The following CREB5 variants were observed in gnomAD, a reference collection of about 807,000 sequenced individuals.
CREB5 encodes cAMP responsive element binding protein 5.
A neutral mutation model predicts 57.1 loss-of-function variants in CREB5; 19 were observed. The ratio of observed to expected loss-of-function variants is 0.33; its 90% CI spans 0.23 to 0.49. The LOEUF is 0.49. Among genes scored for constraint, CREB5 ranks in the 20% least tolerant of loss-of-function variants. The pLI is 0.99. For synonymous variants in CREB5, 238 were observed against 238.3 expected (o/e 1.00, Z 0.01); for missense variants, 579 against 671.6 (o/e 0.86, Z 1.52).
intron 1 of CREB5, among the ~76,000 whole-genome samples, chr7:28,394,682 A>G (rs1787302014): frequency 6.6e-6 from 1 of 152,130 alleles, no homozygotes; most frequent in Non-Finnish European, 1.5e-5. Flanking sequence ...AGCACAGCCA[A>G]ATTTCCCCTA....
chr7:28,696,895 C>T (rs1801601806), intron 5 of CREB5, among the ~76,000 whole-genome samples: 1 of 151,090 alleles, frequency 6.6e-6, no homozygotes, highest in African/African-American at 2.4e-5. Flanking sequence ...TACACACATA[C>T]TCACATTACA....
At chr7:28,571,379 T>C (rs562304979) in intron 5 of CREB5, among the ~76,000 whole-genome samples, 35 of 152,136 alleles carry the variant, frequency 2.3e-4, no homozygotes, top group African/African-American at 7.5e-4. Context: ...TGTAACTGCC[T>C]CCTTACTAGC....
At chr7:28,770,130 A>G (rs1806241655) in intron 7 of CREB5, among the ~76,000 whole-genome samples, 1 of 152,174 alleles carries the variant, frequency 6.6e-6, no homozygotes, top group East Asian at 1.9e-4. Flanking sequence ...ATAGAAGGTG[A>G]GAGTTATGAA....
intron 4 of CREB5, among the ~76,000 whole-genome samples, chr7:28,526,605 A>G (rs1022787536): frequency 1.3e-5 from 2 of 152,244 alleles, no homozygotes; most frequent in Non-Finnish European, 2.9e-5. Context: ...TTGGGAAAGA[A>G]AAATAAATCC....
chr7:28,474,074 A>C (rs1186149671), intron 1 of CREB5, among the ~76,000 whole-genome samples: 1 of 152,120 alleles, frequency 6.6e-6, no homozygotes, highest in Non-Finnish European at 1.5e-5. Context: ...ATACCGAGCA[A>C]ATTCTCTCCC....
chr7:28,402,254 G>T (rs1787482480), intron 1 of CREB5, among the ~76,000 whole-genome samples: 1 of 152,016 alleles, frequency 6.6e-6, no homozygotes, highest in African/African-American at 2.4e-5. Context: ...CTTTTTGATG[G>T]GGTTCTTTGA....
At chr7:28,335,928 T>C (rs577069702) in intron 1 of CREB5, among the ~76,000 whole-genome samples, 7 of 152,276 alleles carry the variant, frequency 4.6e-5, no homozygotes, top group African/African-American at 1.7e-4. Flanking sequence ...TTTTGTCAAG[T>C]GCTTTTTCAG....
intron 7 of CREB5, among the ~76,000 whole-genome samples, chr7:28,781,723 T>C (rs2128783984): frequency 6.6e-6 from 1 of 152,200 alleles, no homozygotes; most frequent in South Asian, 2.1e-4. Flanking sequence ...TATGAATGCT[T>C]CCATGAAATT....
rs1797303703 is a variant in CREB5 at position 28,609,498 on chromosome 7, T to C, written c.464+38961T>C. ...TATCCCTTAGCCTGATGATAAAAGG[T>C]AGTTTTAAAATAGAACAATCCTCTT... On this transcript the variant is annotated intron_variant, in intron 5 of 10. Coordinates refer to ENST00000357727, the MANE Select transcript of CREB5 (RefSeq NM_182898.4). Among the ~76,000 whole-genome samples, 3 of 152,178 alleles carry C rather than the reference T, an allele frequency of 2.0e-5. 1 individual carries two copies. The South Asian group carries it at 6.2e-4, about 32-fold the overall frequency.
chr7:28,381,122 C>G (rs1322957703), intron 1 of CREB5, among the ~76,000 whole-genome samples: 2 of 152,122 alleles, frequency 1.3e-5, no homozygotes, highest in Non-Finnish European at 2.9e-5. Context: ...TTTACCCTCC[C>G]GAAACTCATC....
chr7:28,424,495 C>G (rs1302308385), intron 1 of CREB5, among the ~76,000 whole-genome samples: 3 of 152,216 alleles, frequency 2.0e-5, no homozygotes, highest in Non-Finnish European at 2.9e-5. Context: ...TAATTACCAA[C>G]TATGGACATA....
In CREB5 at chr7:28,570,383, G is replaced by A; in HGVS notation, c.310G>A (p.Ala104Thr). ...SSKRNISMHN[A>T]VGGAMTGPGT... ...TGGGCAGAATATCTCGATGCATAAT[G>A]CAGTTGGTGGGGCCATGACGGGGCC... The change falls in exon 5 of 11, where the codon GCA becomes ACA. Residue 104 changes from alanine to threonine, a missense_variant. By Grantham distance (58) the Ala-to-Thr change is moderately conservative. Coordinates refer to ENST00000357727, the MANE Select transcript of CREB5 (RefSeq NM_182898.4). 1 of 1,613,770 alleles carries A rather than the reference G, an allele frequency of 6.2e-7. No individual in the cohort carries two copies. The highest frequency in any genetic ancestry group is 8.5e-7 in the Non-Finnish European group (1 of 1,179,772).
intron 5 of CREB5, among the ~76,000 whole-genome samples, chr7:28,673,694 T>G (rs1800173560): frequency 7.6e-6 from 1 of 131,592 alleles, no homozygotes; most frequent in Admixed American, 8.3e-5. Flanking sequence ...TTTGGAGACA[T>G]TCGAGTCTCG....
At chr7:28,737,539 GTATATA>G (rs59294932) in intron 7 of CREB5, among the ~76,000 whole-genome samples, 1,284 of 26,340 alleles carry the variant, frequency 0.049, 31 homozygotes, top group East Asian at 0.08. Flanking sequence ...ATATATATAC[GTATATA>G]TATATATATA....
intron 1 of CREB5, among the ~76,000 whole-genome samples, chr7:28,427,570 C>T (rs1158103855): frequency 1.3e-5 from 2 of 151,920 alleles, no homozygotes; most frequent in Admixed American, 6.6e-5. Context: ...TGGATACGCT[C>T]ACACTTTATT....
chr7:28,489,426 A>G (rs1389802623), intron 2 of CREB5, among the ~76,000 whole-genome samples: 1 of 148,332 alleles, frequency 6.7e-6, no homozygotes, highest in East Asian at 2.0e-4. Context: ...CAGCCTCCCA[A>G]GTAGCTGGGA....
At chr7:28,453,249 G>A (rs1349103432) in intron 1 of CREB5, among the ~76,000 whole-genome samples, 1 of 152,098 alleles carries the variant, frequency 6.6e-6, no homozygotes, top group Non-Finnish European at 1.5e-5. Context: ...ACAAGTCTGG[G>A]CAACATAATA....
chr7:28,643,738 C>T (rs1355931611), intron 5 of CREB5, among the ~76,000 whole-genome samples: 2 of 114,900 alleles, frequency 1.7e-5, no homozygotes, highest in East Asian at 2.7e-4. Context: ...GAATAGTTCA[C>T]GGGTTTGGGA....
intron 1 of CREB5, among the ~76,000 whole-genome samples, chr7:28,435,423 C>T (rs896131204): frequency 2.4e-5 from 3 of 125,014 alleles, no homozygotes; most frequent in South Asian, 2.8e-4. Context: ...ATTTTGCATA[C>T]TGATAAGAGC....
Sources: allele counts gnomAD v4.1 joint callset (sites outside exome capture counted in the v4.1 genomes callset), GRCh38; gene constraint gnomAD v4.1.1; transcripts MANE v1.5; gene names NCBI Gene and HGNC (gene_info 2026-07-23, HGNC 2026-07-21).